The following CDH4 variants were observed in gnomAD, a reference collection of about 807,000 sequenced individuals.
The protein encoded by CDH4 is cadherin 4, also known as cadherin-4.
A neutral mutation model predicts 86.0 loss-of-function variants in CDH4; 33 were observed. That is an observed-to-expected ratio of 0.38 (90% CI 0.29 to 0.51). CDH4 has a LOEUF of 0.51. Among genes scored for constraint, CDH4 ranks in the 20% least tolerant of loss-of-function variants. The pLI, the probability that CDH4 is intolerant of heterozygous loss-of-function variation, is 0.86. For synonymous variants in CDH4, 555 were observed against 549.4 expected (o/e 1.01, Z -0.14); for missense variants, 1,114 against 1,307.4 (o/e 0.85, Z 2.28).
At chr20:61,932,688 A>G (rs763857979) in intron 13 of CDH4, among the ~76,000 whole-genome samples, 11 of 152,152 alleles carry the variant, frequency 7.2e-5, no homozygotes, top group Admixed American at 3.3e-4. Flanking sequence ...TGAAGCACCT[A>G]CATCCACGAC....
chr20:61,618,723 A>G (rs917591211), intron 2 of CDH4, among the ~76,000 whole-genome samples: 7 of 152,142 alleles, frequency 4.6e-5, no homozygotes, highest in African/African-American at 1.4e-4. Context: ...GGAGGCCCCT[A>G]TTGTTTCGGT....
rs148597701 is a variant in CDH4, at chr20:61,301,175, G to A, written c.169+46238G>A. ...GGAGCGAGGCTCGGTTTAGCAAGGT[G>A]GTTGCCGTGGTCACTAGAAAGTGAA... is the stretch of plus-strand genomic sequence containing the variant. On this transcript the variant is annotated intron_variant, in intron 2 of 15. Coordinates refer to ENST00000614565, the MANE Select transcript of CDH4 (RefSeq NM_001794.5). Among the ~76,000 whole-genome samples, 490 of 152,366 alleles carry A rather than the reference G, an allele frequency of 3.2e-3. 1 individual carries two copies. Among genetic ancestry groups the A allele is most frequent in the Non-Finnish European group, 5.2e-3 (354 of 68,040 alleles).
chr20:61,659,950 C>G (rs962279126), intron 2 of CDH4, among the ~76,000 whole-genome samples: 2 of 152,150 alleles, frequency 1.3e-5, no homozygotes, highest in African/African-American at 4.8e-5. Flanking sequence ...CCAAGCCTGT[C>G]TCTGTTCCTG....
chr20:61,535,450 CAG>C (rs1436244108), intron 2 of CDH4, among the ~76,000 whole-genome samples: 1 of 152,164 alleles, frequency 6.6e-6, no homozygotes, highest in Admixed American at 6.5e-5. Flanking sequence ...CAGTTGCTGA[CAG>C]AGAGGAAATA....
intron 2 of CDH4, among the ~76,000 whole-genome samples, chr20:61,432,894 A>G (rs2085255945): frequency 7.0e-6 from 1 of 143,054 alleles, no homozygotes; most frequent in Admixed American, 7.3e-5. Context: ...GCTAGAGTGC[A>G]ATGGTGTGAT....
At chr20:61,412,770 T>C (rs1166055174) in intron 2 of CDH4, among the ~76,000 whole-genome samples, 1 of 152,192 alleles carries the variant, frequency 6.6e-6, no homozygotes, top group African/African-American at 2.4e-5. Flanking sequence ...CATCTTGTTT[T>C]TCCTTCGAAC....
intron 3 of CDH4, among the ~76,000 whole-genome samples, chr20:61,765,357 C>A (rs1165583494): frequency 1.3e-5 from 2 of 152,210 alleles, no homozygotes; most frequent in Non-Finnish European, 2.9e-5. Flanking sequence ...CTCCCCACCC[C>A]TGGGCTCTGT....
intron 6 of CDH4, among the ~76,000 whole-genome samples, chr20:61,866,196 C>A (rs1983541878): frequency 6.6e-6 from 1 of 152,134 alleles, no homozygotes; most frequent in Non-Finnish European, 1.5e-5. Context: ...GCTTCAGCCC[C>A]TGGGGTATAC....
intron 4 of CDH4, among the ~76,000 whole-genome samples, chr20:61,787,098 T>TC (rs372061419): frequency 6.6e-5 from 10 of 151,536 alleles, no homozygotes; most frequent in African/African-American, 1.9e-4. Context: ...CATCCATCCA[T>TC]CATCCATCCA....
chr20:61,531,606 GTTAAT>G lies in CDH4; in HGVS notation c.170-211952_170-211948del, dbSNP rs1051375285. Among the ~76,000 whole-genome samples the G allele has an allele frequency of 2.0e-4, 30 of 152,222 alleles. 1 individual carries two copies. The highest frequency in any genetic ancestry group is 1.9e-4 in the Non-Finnish European group (13 of 67,996). ...TGTGTGTTGTAAAAAGCTTTGCTAA[GTTAAT>G]TTAAATAAATATTTTCTGGATGGCA... On this transcript the variant is annotated intron_variant, in intron 2 of 15. Transcript: ENST00000614565.
intron 2 of CDH4, among the ~76,000 whole-genome samples, chr20:61,529,721 T>C (rs376459358): frequency 6.6e-4 from 100 of 152,346 alleles, no homozygotes; most frequent in South Asian, 3.3e-3. Context: ...GCCTCTGTTT[T>C]CTTCCCTTCC....
intron 2 of CDH4, among the ~76,000 whole-genome samples, chr20:61,355,396 G>T (rs2084743003): frequency 6.6e-6 from 1 of 152,186 alleles, no homozygotes. Flanking sequence ...AGTGACCTCG[G>T]CAGGACTGAA....
At chr20:61,761,147 G>A (rs1296684305) in intron 3 of CDH4, among the ~76,000 whole-genome samples, 1 of 152,178 alleles carries the variant, frequency 6.6e-6, no homozygotes, top group African/African-American at 2.4e-5. Flanking sequence ...CTCTGTGTAG[G>A]ATTTAGGGCA....
chr20:61,726,800 C>A (rs867026704), intron 2 of CDH4, among the ~76,000 whole-genome samples: 4 of 141,032 alleles, frequency 2.8e-5, no homozygotes, highest in South Asian at 2.4e-4. Flanking sequence ...ACCATTGGTG[C>A]CATCATCACC....
chr20:61,379,551 G>T (rs1227000513), intron 2 of CDH4, among the ~76,000 whole-genome samples: 1 of 152,162 alleles, frequency 6.6e-6, no homozygotes, highest in Non-Finnish European at 1.5e-5. Flanking sequence ...CTGCAGGGAG[G>T]TGGCCTGTGG....
intron 2 of CDH4, among the ~76,000 whole-genome samples, chr20:61,716,826 C>G (rs541434487): frequency 1.3e-5 from 2 of 152,224 alleles, no homozygotes; most frequent in South Asian, 2.1e-4. Flanking sequence ...GAGAATTGCT[C>G]AAACCTGGGA....
chr20:61,799,894 G>A (rs1298071022), intron 4 of CDH4, among the ~76,000 whole-genome samples: 1 of 152,162 alleles, frequency 6.6e-6, no homozygotes, highest in Admixed American at 6.5e-5. Flanking sequence ...CTCGAGTGGG[G>A]CCTCTGCAGT....
rs79050415 is a variant in CDH4 at position 61,742,623 on chromosome 20, C to T, written c.170-940C>T. 4.5e-3 allele frequency among the ~76,000 whole-genome samples: 683 copies of T among 152,184 alleles called. 5 individuals are homozygous for T. Among genetic ancestry groups the T allele is most frequent in the Admixed American group, 7.5e-3 (115 of 15,274 alleles). The stretch of plus-strand genomic sequence containing the variant: ...TTTATAAATAGGAGTTAACTTTATC[C>T]GTGGCTTTTATGAGCAGAATGTGAC... On this transcript the variant is annotated intron_variant, in intron 2 of 15. Coordinates refer to ENST00000614565, the MANE Select transcript of CDH4 (RefSeq NM_001794.5).
rs142352814 is a variant in CDH4 at position 61,334,402 on chromosome 20, G to A, written c.169+79465G>A. On this transcript the variant is annotated intron_variant, in intron 2 of 15. Coordinates refer to ENST00000614565, the MANE Select transcript of CDH4 (RefSeq NM_001794.5). ...CACACAGCAGTGGGTGGTGCAGTGC[G>A]TCTGGTCTCTTCTAGTCTGTTGGGG... Among the ~76,000 whole-genome samples, 416 of 152,282 alleles carry A rather than the reference G, an allele frequency of 2.7e-3. 3 individuals are homozygous for A. Among genetic ancestry groups the A allele is most frequent in the African/African-American group, 9.1e-3 (377 of 41,554 alleles).
Sources: allele counts gnomAD v4.1 joint callset (sites outside exome capture counted in the v4.1 genomes callset), GRCh38; gene constraint gnomAD v4.1.1; transcripts MANE v1.5; gene names NCBI Gene and HGNC (gene_info 2026-07-23, HGNC 2026-07-21).